CASP10: variants seen among roughly 807,000 people sequenced by gnomAD.
CASP10 encodes caspase 10.
A neutral mutation model predicts 48.5 loss-of-function variants in CASP10; 41 were observed. That is an observed-to-expected ratio of 0.85 (90% CI 0.66 to 1.10). The LOEUF (loss-of-function observed/expected upper bound fraction) is 1.10, where lower values mean the gene tolerates loss of function less well. Among genes scored for constraint, CASP10 ranks in the 50% least tolerant of loss-of-function variants. The pLI is 0.00. For missense variants in CASP10, 614 were observed against 614.5 expected (o/e 1.00, Z 0.01); for synonymous variants, 232 against 238.4 (o/e 0.97, Z 0.25).
rs1002874050 is a variant in CASP10 at position 201,216,274 on chromosome 2, T to A, written c.1416-1314T>A. Among the ~76,000 whole-genome samples the A allele has an allele frequency of 8.6e-5, 13 of 151,828 alleles. 1 individual carries two copies. Among genetic ancestry groups the A allele is most frequent in the African/African-American group, 3.1e-4 (13 of 41,340 alleles). On this transcript the variant is annotated intron_variant, in intron 9 of 9. Transcript: ENST00000286186. Reference sequence around the variant, plus strand: ...GTCCTAGCTATTAGGGAGTCTGAAGTGGGAGGATTGCTTAAGCCCAGAAGT... The same window carrying A: ...GTCCTAGCTATTAGGGAGTCTGAAGAGGGAGGATTGCTTAAGCCCAGAAGT...
In CASP10 at chr2:201,219,637, G is replaced by A; in HGVS notation, c.*1896G>A. The stretch of plus-strand genomic sequence containing the variant: ...GAGGGGATGTCTGGCTTGCCTGAAG[G>A]GAGTGGCTCTGTAAGGACGCCTTGA... On this transcript the variant is annotated 3_prime_UTR_variant, in exon 10 of 10. Coordinates refer to ENST00000286186, the MANE Select transcript of CASP10 (RefSeq NM_032977.4). 1.0e-6 allele frequency: 1 copy of A among 985,380 alleles called. No homozygotes were observed. The highest frequency in any genetic ancestry group is 1.2e-6 in the Non-Finnish European group (1 of 829,938). The allele number at this position is 985,380 out of a possible 1,614,324, so 61.0% of individuals were successfully genotyped here.
At position 201,221,175 on chromosome 2, in the gene CASP10, T is replaced by C. The variant is rs1945710914; in HGVS notation, c.*3434T>C. ...GACTTTATTAGCGGCAACTCAGCAC[T>C]AGCATTACCCCTGACATACTCTGAG... On this transcript the variant is annotated 3_prime_UTR_variant, in exon 10 of 10. Transcript: ENST00000286186. 1 of 985,300 alleles carries C rather than the reference T, an allele frequency of 1.0e-6. No individual in the cohort carries two copies. The highest frequency in any genetic ancestry group is 4.7e-5 in the South Asian group (1 of 21,288). 61.0% of individuals were successfully genotyped at this position (985,300 alleles called of 1,614,324 possible).
At chr2:201,225,126 C>T (rs972186462), downstream of CASP10, among the ~76,000 whole-genome samples, 19 of 152,158 alleles carry the variant, frequency 1.2e-4, no homozygotes, top group Non-Finnish European at 1.5e-5. Context: ...ACCTTCCCTT[C>T]AAGGATCTTC....
chr2:201,205,423 G>T (rs912806874), intron 6 of CASP10, among the ~76,000 whole-genome samples: 1 of 151,562 alleles, frequency 6.6e-6, no homozygotes, highest in Non-Finnish European at 1.5e-5. Flanking sequence ...TAGAGATGGG[G>T]TCTCACTAAG....
chr2:201,188,760 T>C (rs958473074), intron 3 of CASP10, among the ~76,000 whole-genome samples: 2 of 152,174 alleles, frequency 1.3e-5, no homozygotes, highest in Non-Finnish European at 2.9e-5. Flanking sequence ...TCTTGTTTTT[T>C]CATCAGGAGG....
At chr2:201,212,850 T>G (rs1238390006) in intron 9 of CASP10, 1 of 152,228 alleles carries the variant, frequency 6.6e-6, no homozygotes, top group Non-Finnish European at 1.5e-5. Context: ...TAGTCTAGTT[T>G]GAAGCTTAAT....
At chr2:201,198,730 C>A (rs1040088896) in intron 5 of CASP10, among the ~76,000 whole-genome samples, 2 of 150,936 alleles carry the variant, frequency 1.3e-5, no homozygotes, top group African/African-American at 4.9e-5. Context: ...TTAGTAGAGA[C>A]GGGGTTTCAC....
downstream of CASP10, among the ~76,000 whole-genome samples, chr2:201,222,707 C>T (rs1290088915): frequency 6.6e-6 from 1 of 152,164 alleles, no homozygotes; most frequent in Non-Finnish European, 1.5e-5. Context: ...TTACCCTTAG[C>T]AAGGCATTCT....
At chr2:201,196,082 G>A (rs1326094914) in intron 5 of CASP10, 134 bp downstream of exon 5, 2 of 659,776 alleles carry the variant, frequency 3.0e-6, no homozygotes, top group Non-Finnish European at 5.4e-6. Flanking sequence ...TCTCACCATG[G>A]TGATTGCAAG....
At chr2:201,222,948 G>C (rs1326384250), downstream of CASP10, among the ~76,000 whole-genome samples, 1 of 152,130 alleles carries the variant, frequency 6.6e-6, no homozygotes, top group African/African-American at 2.4e-5. Flanking sequence ...TGAGTGATCT[G>C]GTCAATTTGT....
chr2:201,200,487 G>T (rs761039791), intron 5 of CASP10: 42 of 1,598,304 alleles, frequency 2.6e-5, no homozygotes, highest in Non-Finnish European at 3.5e-5. Context: ...GTGGAAACTC[G>T]CCAGATGACC....
intron 5 of CASP10, among the ~76,000 whole-genome samples, chr2:201,201,068 A>G (rs950322042): frequency 1.3e-5 from 2 of 151,520 alleles, no homozygotes; most frequent in Non-Finnish European, 2.9e-5. Context: ...TTATTTATTT[A>G]TTTTTTTGAG....
At chr2:201,195,541 C>CA (rs199500242) in intron 4 of CASP10, among the ~76,000 whole-genome samples, 16 of 100,834 alleles carry the variant, frequency 1.6e-4, no homozygotes, top group African/African-American at 7.9e-4. Flanking sequence ...GACTAAAGGA[C>CA]TAAAGAGTAG....
chr2:201,210,999 G>A (rs914074389), intron 9 of CASP10, among the ~76,000 whole-genome samples: 8 of 152,052 alleles, frequency 5.3e-5, no homozygotes, highest in African/African-American at 1.9e-4. Context: ...GTTATAATTT[G>A]ATGTTTCAAT....
At chr2:201,202,167 G>A (rs1297036704) in intron 5 of CASP10, among the ~76,000 whole-genome samples, 1 of 152,158 alleles carries the variant, frequency 6.6e-6, no homozygotes, top group Admixed American at 6.5e-5. Context: ...ATTTTTTTGA[G>A]TGTGGCATAA....
chr2:201,207,359 G>A (rs1270371833), intron 7 of CASP10, among the ~76,000 whole-genome samples: 3 of 152,140 alleles, frequency 2.0e-5, no homozygotes, highest in Non-Finnish European at 1.5e-5. Context: ...GGTGGCTCAT[G>A]CCTGTAATCC....
chr2:201,203,894 TA>T, intron 6 of CASP10, 128 bp downstream of exon 6: 1 of 808,300 alleles, frequency 1.2e-6, no homozygotes, highest in Non-Finnish European at 2.1e-6. Context: ...ATTCATTTTT[TA>T]TTCCAATTCA....
intron 4 of CASP10, among the ~76,000 whole-genome samples, chr2:201,195,352 G>A (rs895281171): frequency 6.6e-6 from 1 of 152,150 alleles, no homozygotes. Flanking sequence ...GATTACAGGC[G>A]TGAGCCACTG....
At chr2:201,192,608 T>A (rs1419834872) in intron 3 of CASP10, among the ~76,000 whole-genome samples, 1 of 152,154 alleles carries the variant, frequency 6.6e-6, no homozygotes, top group Non-Finnish European at 1.5e-5. Flanking sequence ...GGCATCAGAT[T>A]GTACCAGCTC....
Sources: allele counts gnomAD v4.1 joint callset (sites outside exome capture counted in the v4.1 genomes callset), GRCh38; gene constraint gnomAD v4.1.1; transcripts MANE v1.5; gene names NCBI Gene and HGNC (gene_info 2026-07-23, HGNC 2026-07-21).